Variants in TPR observed in about 807,000 individuals in gnomAD.
TPR encodes translocated promoter region, nuclear basket protein.
A neutral mutation model predicts 316.1 loss-of-function variants in TPR; 51 were observed. The ratio of observed to expected loss-of-function variants is 0.16; its 90% confidence interval spans 0.13 to 0.20. The LOEUF (loss-of-function observed/expected upper bound fraction) is 0.20. Ranked by LOEUF, TPR falls within the 10% of genes least tolerant of loss-of-function variation. The probability of loss-of-function intolerance (pLI) is 1.00; values close to 1 mark genes in which losing one functional copy is unlikely to be tolerated. For synonymous variants in TPR, 981 were observed against 914.7 expected (o/e 1.07, Z -1.31); for missense variants, 2,272 against 2,754.8 (o/e 0.82, Z 3.92).
rs756798488 is a variant in TPR, at chr1:186,327,564, T to C, written c.5785A>G (p.Thr1929Ala). ...DLGPLQSDQQ[T>A]TTSSQDGQGK... ...TGACCATCCTGGGATGAAGTTGTCG[T>C]CTGCTGATCTGATTGAAGTGGCCCA... Residue 1929 changes from threonine to alanine, a missense_variant, in exon 40 of 51, where the codon ACG becomes GCG. By Grantham distance (58) the Thr-to-Ala change is moderately conservative. Around this residue, in one of 10 missense-constraint regions of TPR, gnomAD observed 435 missense variants for 461.1 expected, o/e 0.94. Transcript: ENST00000367478. 2 of 1,612,632 alleles carry C rather than the reference T, an allele frequency of 1.2e-6. No individual in the cohort carries two copies. The highest frequency in any genetic ancestry group is 4.5e-5 in the East Asian group (2 of 44,726).
intron 35 of TPR, 21 bp downstream of exon 35, chr1:186,335,047 T>C: frequency 1.9e-6 from 3 of 1,608,222 alleles, no homozygotes; most frequent in Non-Finnish European, 2.5e-6. Context: ...AATAACAGAC[T>C]ATGAAATAAC....
Position 186,334,414 on chromosome 1 carries a change from C to T in TPR, c.5093G>A (p.Arg1698His), listed in dbSNP as rs2102066451. The change falls in exon 36 of 51, where the codon CGC becomes CAC. Residue 1698 changes from arginine (R) to histidine (H), a missense_variant. By Grantham distance (29) the Arg-to-His change is conservative. Transcript: ENST00000367478. The part of the protein sequence containing the change: ...GNKSTPRASI[R>H]PMVTPATVTN... ...AACAGTTGCAGGTGTAACCATTGGG[C>T]GGATACTAGCCCTGGGTGTTGACTT... 2 of 1,613,556 alleles carry T rather than the reference C, an allele frequency of 1.2e-6. No homozygotes were observed. Among genetic ancestry groups the T allele is most frequent in the Non-Finnish European group, 1.7e-6 (2 of 1,179,720 alleles).
intron 15 of TPR, among the ~76,000 whole-genome samples, 153 bp from the exon 16 acceptor site, chr1:186,355,921 C>A (rs1288996029): frequency 6.6e-6 from 1 of 152,108 alleles, no homozygotes; most frequent in African/African-American, 2.4e-5. Context: ...AATAAGGAAT[C>A]TACTAAACAA....
rs1657336938 is a variant in TPR, at chr1:186,312,454, A to G, written c.*1517T>C. Reference sequence around the variant, plus strand: ...TCTTATACAGTAAGGCTTATGAAATATGGATACTGATCAAACAGCCCTAAT... The same window carrying G: ...TCTTATACAGTAAGGCTTATGAAATGTGGATACTGATCAAACAGCCCTAAT... On this transcript the variant is annotated 3_prime_UTR_variant, in exon 51 of 51. Transcript: ENST00000367478. 3.9e-6 allele frequency: 5 copies of G among 1,287,324 alleles called. No individual in the cohort carries two copies. In the South Asian group the frequency reaches 7.2e-5, roughly 19 times the overall value. The allele number at this position is 1,287,324 out of a possible 1,614,324, so 79.7% of individuals were successfully genotyped here.
In TPR at chr1:186,312,143, C is replaced by A. The variant is rs1486428384; in HGVS notation, c.*1828G>T. ...TTCTGAGGGTATTAAAATTAATTTT[C>A]ATTTTCCATGTGATATTCTAATACA... is the stretch of plus-strand genomic sequence containing the variant. On this transcript the variant is annotated 3_prime_UTR_variant, in exon 51 of 51. Transcript: ENST00000367478. 1.6e-5 allele frequency: 25 copies of A among 1,593,752 alleles called. No homozygotes were observed. The highest frequency in any genetic ancestry group is 2.2e-5 in the Non-Finnish European group (25 of 1,162,278).
At chr1:186,333,576 A>G (rs1658243026) in intron 36 of TPR, among the ~76,000 whole-genome samples, 182 bp from the exon 37 acceptor site, 1 of 152,154 alleles carries the variant, frequency 6.6e-6, no homozygotes, top group African/African-American at 2.4e-5. Context: ...ATATGGTAGC[A>G]TGCAATAAAA....
rs535946527 is a variant in TPR, at chr1:186,352,957, GTATT to G, written c.2334+727_2334+730del. On this transcript the variant is annotated intron_variant, in intron 18 of 50. Coordinates refer to ENST00000367478, the MANE Select transcript of TPR (RefSeq NM_003292.3). ...AAAAAATTTATCATCACAAAACTAA[GTATT>G]TAGTTAAAAGTAATAATTTCAAATG... Among the ~76,000 whole-genome samples the G allele has an allele frequency of 3.5e-4, 53 of 152,164 alleles. 2 individuals carry two copies. The South Asian group carries it at 0.01, about 30-fold the overall frequency.
Position 186,313,063 on chromosome 1 carries a change from AATGATG to A in TPR, c.*902_*907del. ...AGACTTTTGCTTTAATTTCAATTAA[AATGATG>A]GCACTGCAATTCAATTCTGCTCTAA... On this transcript the variant is annotated 3_prime_UTR_variant, in exon 51 of 51. Transcript: ENST00000367478. 8.6e-6 allele frequency: 6 copies of A among 696,206 alleles called. No homozygotes were observed. Among genetic ancestry groups the A allele is most frequent in the Non-Finnish European group, 1.4e-5 (6 of 414,648 alleles). 43.1% of individuals were successfully genotyped at this position (696,206 alleles called of 1,614,324 possible).
At position 186,312,675 on chromosome 1, in the gene TPR, C is replaced by A; in HGVS notation, c.*1296G>T. ...CCCTCAATAGTTCTACATCAGAGGGCTAAAACTGAGATTAAAACTCAGATG... is the reference window on the plus strand; with the variant it reads ...CCCTCAATAGTTCTACATCAGAGGGATAAAACTGAGATTAAAACTCAGATG... On this transcript the variant is annotated 3_prime_UTR_variant, in exon 51 of 51. Coordinates refer to ENST00000367478, the MANE Select transcript of TPR (RefSeq NM_003292.3). The A allele has an allele frequency of 7.4e-7, 1 of 1,356,758 alleles. No homozygotes were observed. The highest frequency in any genetic ancestry group is 1.1e-6 in the Non-Finnish European group (1 of 950,068). 84.0% of individuals were successfully genotyped at this position (1,356,758 alleles called of 1,614,324 possible).
At chr1:186,352,547 A>G (rs1658895150) in intron 18 of TPR, among the ~76,000 whole-genome samples, 1 of 152,160 alleles carries the variant, frequency 6.6e-6, no homozygotes, top group Non-Finnish European at 1.5e-5. Context: ...CCTCAACCCC[A>G]AGAGTCTGAG....
At chr1:186,373,962 G>C (rs570190832) in intron 1 of TPR, among the ~76,000 whole-genome samples, 1 of 152,310 alleles carries the variant, frequency 6.6e-6, no homozygotes, top group East Asian at 1.9e-4. Flanking sequence ...CATAGTATCA[G>C]GAACATGTAA....
At chr1:186,316,433 T>G (rs960167295) in intron 49 of TPR, among the ~76,000 whole-genome samples, 3 of 152,212 alleles carry the variant, frequency 2.0e-5, no homozygotes, top group African/African-American at 7.2e-5. Context: ...GATTTTGGGA[T>G]AGCAAAGTTC....
At chr1:186,322,682 C>CA in intron 43 of TPR, 96 bp from the exon 44 acceptor site, 3 of 1,245,018 alleles carry the variant, frequency 2.4e-6, no homozygotes, top group Middle Eastern at 1.9e-4. Flanking sequence ...ACGCTGCCAA[C>CA]AAAATAGTTA....
intron 30 of TPR, 103 bp downstream of exon 30, chr1:186,339,538 TC>T: frequency 2.0e-6 from 2 of 993,574 alleles, no homozygotes; most frequent in Non-Finnish European, 2.7e-6. Context: ...TCTAGCACTT[TC>T]CATTCTTTCT....
chr1:186,323,818 T>A lies in TPR; in HGVS notation c.6165A>T (p.Arg2055Ser). 6.4e-7 allele frequency: 1 copy of A among 1,553,026 alleles called. No homozygotes were observed. ...CAGATGCTGATGATGGCTGTTGTTC[T>A]CTAGAAACCTCCTGAGAAAAAGAAG... ...AESSFSQEVS[R>S]EQQPSSASER... The change falls in exon 43 of 51, where the codon AGA becomes AGT. Residue 2055 changes from arginine (R) to serine (S), a missense_variant. Arg to Ser is a moderately radical substitution (Grantham distance 110). Coordinates refer to ENST00000367478, the MANE Select transcript of TPR (RefSeq NM_003292.3).
chr1:186,367,807 T>C, intron 4 of TPR, 79 bp downstream of exon 4: 1 of 954,468 alleles, frequency 1.0e-6, no homozygotes. Flanking sequence ...GCAACAGAAA[T>C]GGGCTGAGCA....
chr1:186,345,986 A>T, intron 23 of TPR, 149 bp downstream of exon 23: 2 of 810,904 alleles, frequency 2.5e-6, no homozygotes, highest in South Asian at 4.1e-5. Context: ...ATATAGAGGT[A>T]CAGAAAAGAG....
At position 186,323,848 on chromosome 1, in the gene TPR, TGCA is replaced by T; in HGVS notation, c.6132_6134del (p.Ala2045del). ...AAACCTCCTGAGAAAAAGAAGATTC[TGCA>T]GCACCTGTATTTCCTTCACCTGTAG... is the stretch of plus-strand genomic sequence containing the variant. On this transcript the variant is annotated inframe_deletion, in exon 43 of 51. Coordinates refer to ENST00000367478, the MANE Select transcript of TPR (RefSeq NM_003292.3). 2 of 1,546,976 alleles carry T rather than the reference TGCA, an allele frequency of 1.3e-6. No homozygotes were observed. Among genetic ancestry groups the T allele is most frequent in the Non-Finnish European group, 1.7e-6 (2 of 1,156,458 alleles).
At chr1:186,355,610 C>A (rs1659006169) in intron 16 of TPR, 25 bp downstream of exon 16, 8 of 1,613,674 alleles carry the variant, frequency 5.0e-6, no homozygotes, top group African/African-American at 1.3e-5. Flanking sequence ...AAAAACCTAA[C>A]CCAGGACAAA....
Sources: gnomAD v4.1 joint callset for allele counts (sites outside exome capture counted in the v4.1 genomes callset) on GRCh38, gnomAD v4.1.1 for gene constraint, gnomAD v4.1.1 regional missense constraint, MANE v1.5 for transcripts, NCBI Gene and HGNC (gene_info 2026-07-23, HGNC 2026-07-21) for gene names.